MMP16: variants seen among roughly 807,000 people sequenced by gnomAD.
The protein encoded by MMP16 is matrix metallopeptidase 16.
A neutral mutation model predicts 67.8 loss-of-function variants in MMP16; 12 were observed. That is an observed-to-expected ratio of 0.18 (90% CI 0.11 to 0.29). The LOEUF (loss-of-function observed/expected upper bound fraction) is 0.29, where lower values mean the gene tolerates loss of function less well. Among genes scored for constraint, MMP16 ranks in the 10% least tolerant of loss-of-function variants. MMP16 has a pLI of 1.00. For missense variants in MMP16, 475 were observed against 765.7 expected, an observed-to-expected ratio of 0.62 and a Z score of 4.48; for synonymous variants, 249 against 255.9, an observed-to-expected ratio of 0.97 and a Z score of 0.26.
At position 88,184,563 on chromosome 8, in the gene MMP16, G is replaced by GAAAAAA. The variant is rs59310737; in HGVS notation, c.404+1907_404+1912dup. 2.2e-3 allele frequency among the ~76,000 whole-genome samples: 24 copies of GAAAAAA among 10,928 alleles called. 4 individuals carry two copies. Among genetic ancestry groups the GAAAAAA allele is most frequent in the East Asian group, 9.9e-3 (3 of 302 alleles). 7.2% of individuals were successfully genotyped at this position (10,928 alleles called of 152,430 possible). A position where few individuals can be genotyped will look rare whatever the true frequency, so the allele number is the denominator to read the frequency against. On this transcript the variant is annotated intron_variant, in intron 3 of 9. Transcript: ENST00000286614. The stretch of plus-strand genomic sequence containing the variant: ...GGGCAAATGGTAAAACTCTCTCTCT[G>GAAAAAA]AAAAAAAAAAAAAAAAAAAAAAAAA...
intron 6 of MMP16, among the ~76,000 whole-genome samples, chr8:88,113,528 GA>G (rs1809377111): frequency 6.6e-6 from 1 of 151,850 alleles, no homozygotes; most frequent in Non-Finnish European, 1.5e-5. Flanking sequence ...AGCAAAATAT[GA>G]AAAATAATGA....
At position 88,167,832 on chromosome 8, in the gene MMP16, C is replaced by T. The variant is rs201181247; in HGVS notation, c.546G>A (p.Val182=). 1.2e-6 allele frequency: 2 copies of T among 1,613,988 alleles called. No homozygotes were observed. The highest frequency in any genetic ancestry group is 2.7e-5 in the African/African-American group (2 of 75,026). The part of the protein sequence containing the change: ...YSELENGKRD[V]DITIIFASGF... The stretch of plus-strand genomic sequence containing the variant: ...CAGATGCAAAAATAATGGTTATATC[C>T]ACATCACGTTTGCCATTTTCTAATT... The change falls in exon 4 of 10, where the codon GTG becomes GTA. Residue 182 remains valine (V), a synonymous_variant. Coordinates refer to ENST00000286614, the MANE Select transcript of MMP16 (RefSeq NM_005941.5).
chr8:88,104,421 A>G (rs1809199321), intron 6 of MMP16, among the ~76,000 whole-genome samples: 1 of 151,650 alleles, frequency 6.6e-6, no homozygotes, highest in African/African-American at 2.4e-5. Flanking sequence ...TCAGTTAATG[A>G]TGTACCACCT....
chr8:88,103,727 A>G (rs781770307), intron 6 of MMP16, among the ~76,000 whole-genome samples: 4 of 151,832 alleles, frequency 2.6e-5, no homozygotes, highest in Non-Finnish European at 5.9e-5. Flanking sequence ...ATAATTTAAC[A>G]AAACTCTCTG....
chr8:88,091,846 C>T (rs915801349), intron 6 of MMP16, among the ~76,000 whole-genome samples: 1 of 151,852 alleles, frequency 6.6e-6, no homozygotes, highest in African/African-American at 2.4e-5. Context: ...AGCCACACTT[C>T]AAGTGCTTAA....
In MMP16 at chr8:88,263,675, A is replaced by G. The variant is rs115412190; in HGVS notation, c.132+63400T>C. ...TCATCTTCCCTCTGTGCATGATTCTATGTCCAAATTTCTCCTTTATATAAG... is the reference window on the plus strand; with the variant it reads ...TCATCTTCCCTCTGTGCATGATTCTGTGTCCAAATTTCTCCTTTATATAAG... On this transcript the variant is annotated intron_variant, in intron 1 of 9. Coordinates refer to ENST00000286614, the MANE Select transcript of MMP16 (RefSeq NM_005941.5). Among the ~76,000 whole-genome samples, 505 of 152,188 alleles carry G rather than the reference A, an allele frequency of 3.3e-3. 4 individuals carry two copies. The highest frequency in any genetic ancestry group is 0.012 in the African/African-American group (485 of 41,514).
chr8:88,156,192 T>A (rs1808505939), intron 4 of MMP16, among the ~76,000 whole-genome samples: 1 of 151,888 alleles, frequency 6.6e-6, no homozygotes, highest in South Asian at 2.1e-4. Context: ...CTTTCTCTAC[T>A]TTTTTTTAAC....
intron 6 of MMP16, among the ~76,000 whole-genome samples, chr8:88,082,139 G>A (rs1808761284): frequency 6.6e-6 from 1 of 151,852 alleles, no homozygotes; most frequent in Admixed American, 6.6e-5. Context: ...GACGTGAACA[G>A]TTTATACAAA....
chr8:88,142,552 T>A (rs1335828761), intron 4 of MMP16, among the ~76,000 whole-genome samples: 5 of 152,082 alleles, frequency 3.3e-5, no homozygotes, highest in Non-Finnish European at 2.9e-5. Flanking sequence ...ACTTCCAGTT[T>A]TAAAAAAATT....
chr8:88,083,378 A>T (rs1281676100), intron 6 of MMP16, among the ~76,000 whole-genome samples: 1 of 152,088 alleles, frequency 6.6e-6, no homozygotes, highest in African/African-American at 2.4e-5. Flanking sequence ...GGCTCAAGAT[A>T]GGCTAATTAC....
intron 4 of MMP16, among the ~76,000 whole-genome samples, chr8:88,159,813 C>T (rs1026151036): frequency 2.0e-5 from 3 of 151,928 alleles, no homozygotes; most frequent in Non-Finnish European, 2.9e-5. Context: ...CCCATCAATA[C>T]CTAATTTTTT....
intron 6 of MMP16, among the ~76,000 whole-genome samples, chr8:88,098,767 T>A (rs533994468): frequency 2.6e-5 from 4 of 151,978 alleles, no homozygotes; most frequent in Admixed American, 2.6e-4. Flanking sequence ...AATACAAGTA[T>A]AATATTATGA....
chr8:88,084,966 A>G (rs542958536), intron 6 of MMP16, among the ~76,000 whole-genome samples: 11 of 152,096 alleles, frequency 7.2e-5, no homozygotes, highest in African/African-American at 2.6e-4. Context: ...TAAAAAAGAA[A>G]CAAAAATATG....
chr8:88,138,111 C>T (rs151319795), intron 4 of MMP16, among the ~76,000 whole-genome samples: 207 of 151,824 alleles, frequency 1.4e-3, no homozygotes, highest in African/African-American at 4.8e-3. Flanking sequence ...TTTCCTAGGT[C>T]TAGTTTCTTT....
intron 1 of MMP16, among the ~76,000 whole-genome samples, chr8:88,272,161 GTAT>G (rs1253137699): frequency 6.6e-6 from 1 of 152,100 alleles, no homozygotes; most frequent in African/African-American, 2.4e-5. Flanking sequence ...TGTTGATGTT[GTAT>G]TATTAGCAGT....
chr8:88,312,862 G>A (rs560362173), intron 1 of MMP16, among the ~76,000 whole-genome samples: 1 of 152,208 alleles, frequency 6.6e-6, no homozygotes, highest in South Asian at 2.1e-4. Context: ...CAGCCACTTG[G>A]GAGGCTGAGG....
At chr8:88,086,848 T>C (rs1586143601) in intron 6 of MMP16, among the ~76,000 whole-genome samples, 1 of 151,960 alleles carries the variant, frequency 6.6e-6, no homozygotes, top group Non-Finnish European at 1.5e-5. Context: ...CCTTGTTTAT[T>C]TGTTCACTTG....
intron 7 of MMP16, among the ~76,000 whole-genome samples, chr8:88,059,556 G>A (rs533028526): frequency 6.6e-6 from 1 of 152,040 alleles, no homozygotes; most frequent in Non-Finnish European, 1.5e-5. Context: ...AAACATCCTT[G>A]TTCCTCATTT....
chr8:88,225,942 C>G (rs928571583), intron 1 of MMP16, among the ~76,000 whole-genome samples: 1 of 151,756 alleles, frequency 6.6e-6, no homozygotes, highest in Non-Finnish European at 1.5e-5. Context: ...GTAGAAATAG[C>G]GCATTCATTC....
Sources: gnomAD v4.1 joint callset for allele counts (sites outside exome capture counted in the v4.1 genomes callset) on GRCh38, gnomAD v4.1.1 for gene constraint, MANE v1.5 for transcripts, NCBI Gene and HGNC (gene_info 2026-07-23, HGNC 2026-07-21) for gene names.